TM7SF3: variants seen among roughly 807,000 people sequenced by gnomAD.
TM7SF3 encodes the protein seven span transmembrane protein.
In TM7SF3, 60 loss-of-function variants were observed where a neutral mutation model predicts 65.5. The observed-to-expected ratio is 0.92, with a 90% CI of 0.74 to 1.14. The LOEUF is 1.14. TM7SF3 is among the 50% of genes most tolerant of loss of function. TM7SF3 has a pLI of 0.00. For missense variants in TM7SF3, 623 were observed against 684.8 expected, an observed-to-expected ratio of 0.91 and a Z score of 1.01; for synonymous variants, 264 against 259.6, an observed-to-expected ratio of 1.02 and a Z score of -0.16.
chr12:27,012,325 A>G (rs1277917116), intron 1 of TM7SF3, among the ~76,000 whole-genome samples: 1 of 152,160 alleles, frequency 6.6e-6, no homozygotes, highest in African/African-American at 2.4e-5. Flanking sequence ...CACACACTAT[A>G]CAGAGTGAAT....
chr12:27,009,993 A>G (rs1941185836), intron 1 of TM7SF3, among the ~76,000 whole-genome samples: 1 of 152,066 alleles, frequency 6.6e-6, no homozygotes, highest in African/African-American at 2.4e-5. Flanking sequence ...GCTGTGCAGG[A>G]TTTTGTCATT....
At chr12:26,988,524 G>A (rs1444682044) in intron 6 of TM7SF3, among the ~76,000 whole-genome samples, 1 of 152,022 alleles carries the variant, frequency 6.6e-6, no homozygotes, top group Non-Finnish European at 1.5e-5. Flanking sequence ...ATGTGCTAAC[G>A]TGTGAATTAA....
chr12:26,989,666 A>AACACAC (rs1482376855), intron 6 of TM7SF3, among the ~76,000 whole-genome samples: 1 of 136,842 alleles, frequency 7.3e-6, no homozygotes, highest in East Asian at 2.3e-4. Context: ...TAAACTGCTA[A>AACACAC]ATACACACAC....
rs191555432 is a variant in TM7SF3 at position 27,003,315 on chromosome 12, T to C, written c.167A>G (p.His56Arg). Residue 56 changes from histidine to arginine, a missense_variant, in exon 2 of 12, where the codon CAT becomes CGT. Physicochemically the swap from His to Arg is conservative, Grantham distance 29 (BLOSUM62 0). Coordinates refer to ENST00000343028, the MANE Select transcript of TM7SF3 (RefSeq NM_016551.3). ...NRPFPEEAILHDISSNVTFLI... is the reference protein window; with the variant it reads ...NRPFPEEAILRDISSNVTFLI... ...AAAAGTCACATTGCTTGAAATATCA[T>C]GCAAAATAGCTTCCTCTGGAAAGGG... is the stretch of plus-strand genomic sequence containing the variant. The C allele has an allele frequency of 4.8e-4, 769 of 1,612,852 alleles. 7 individuals carry two copies. The highest frequency in any genetic ancestry group is 6.1e-5 in the Non-Finnish European group (72 of 1,178,966).
Position 26,982,939 on chromosome 12 carries a change from A to C in TM7SF3, c.869-80T>G. 3 of 1,013,168 alleles carry C rather than the reference A, an allele frequency of 3.0e-6. No homozygotes were observed. The East Asian group carries it at 8.1e-5, about 27-fold the overall frequency. 62.8% of individuals were successfully genotyped at this position (1,013,168 alleles called of 1,614,324 possible). A position where few individuals can be genotyped will look rare whatever the true frequency, so the allele number is the denominator to read the frequency against. Reference sequence around the variant, plus strand: ...AATATTTATAGAACGAACCTTCATCAAAAAAGCTAAGTGAACTGACATAAT... The same window carrying C: ...AATATTTATAGAACGAACCTTCATCCAAAAAGCTAAGTGAACTGACATAAT... On this transcript the variant is annotated intron_variant, in intron 6 of 11. Coordinates refer to ENST00000343028, the MANE Select transcript of TM7SF3 (RefSeq NM_016551.3).
chr12:26,979,855 G>T lies in TM7SF3; in HGVS notation c.1118C>A (p.Ser373Ter). Residue 373 changes from serine (S) to a stop codon, truncating the protein, a stop_gained, in exon 9 of 12, where the codon TCG becomes TAG. Transcript: ENST00000343028. LOFTEE classifies it high-confidence loss of function. ...TAGTCCAACACAGAGCATGCAGATC[G>T]AGAGGATTCCAAATCGCCACCACAC... ...VAVWWRFGIL[S>*]ICMLCVGLVL... 8.1e-6 allele frequency: 13 copies of T among 1,614,170 alleles called. No individual in the cohort carries two copies. Among genetic ancestry groups the T allele is most frequent in the Non-Finnish European group, 1.1e-5 (13 of 1,180,030 alleles).
At chr12:27,007,202 T>G (rs1941072107) in intron 1 of TM7SF3, among the ~76,000 whole-genome samples, 1 of 152,256 alleles carries the variant, frequency 6.6e-6, no homozygotes. Flanking sequence ...AACTTTCATC[T>G]GTTATTTCCT....
intron 4 of TM7SF3, among the ~76,000 whole-genome samples, 178 bp from the exon 5 acceptor site, chr12:26,995,586 ATGTT>A (rs1163308699): frequency 6.6e-6 from 1 of 152,222 alleles, no homozygotes; most frequent in Admixed American, 6.5e-5. Flanking sequence ...TATGGACTGA[ATGTT>A]TGTGTCTCCC....
intron 5 of TM7SF3, among the ~76,000 whole-genome samples, chr12:26,991,253 C>A (rs149109248): frequency 6.7e-6 from 1 of 149,744 alleles, no homozygotes; most frequent in Non-Finnish European, 1.5e-5. Context: ...CCCGGGTTCA[C>A]GCCATTCTCC....
At chr12:26,984,531 T>C (rs888266393) in intron 6 of TM7SF3, among the ~76,000 whole-genome samples, 2 of 151,898 alleles carry the variant, frequency 1.3e-5, no homozygotes, top group African/African-American at 4.8e-5. Flanking sequence ...ACTATCATTC[T>C]AGAATTTAAT....
chr12:26,988,673 TGTGTGTG>T (rs1425773525), intron 6 of TM7SF3, among the ~76,000 whole-genome samples: 2 of 9,640 alleles, frequency 2.1e-4, no homozygotes, highest in Non-Finnish European at 3.8e-4. Flanking sequence ...AGAAGAAAAT[TGTGTGTG>T]TGTGTGTGTG....
intron 5 of TM7SF3, among the ~76,000 whole-genome samples, chr12:26,994,819 C>T (rs940172181): frequency 1.3e-5 from 2 of 152,224 alleles, no homozygotes; most frequent in African/African-American, 4.8e-5. Flanking sequence ...AATTTTACTC[C>T]AAGTTAGACT....
intron 10 of TM7SF3, 191 bp from the exon 11 acceptor site, chr12:26,975,849 T>C (rs1227625738): frequency 1.7e-6 from 1 of 590,652 alleles, no homozygotes; most frequent in Non-Finnish European, 2.9e-6. Context: ...CCATATGAGT[T>C]CTTAAAACAC....
At chr12:27,006,684 T>G (rs1327771746) in intron 1 of TM7SF3, among the ~76,000 whole-genome samples, 2 of 152,226 alleles carry the variant, frequency 1.3e-5, no homozygotes, top group Admixed American at 1.3e-4. Context: ...TAGGCAGATA[T>G]AAGCATGCAT....
At chr12:26,996,653 AT>A in intron 4 of TM7SF3, 88 bp downstream of exon 4, 1 of 1,374,318 alleles carries the variant, frequency 7.3e-7, no homozygotes. Flanking sequence ...ACTACAGAGA[AT>A]TAGGGACTTG....
At chr12:26,986,713 CTTTCTCCAG>C (rs1940116422) in intron 6 of TM7SF3, among the ~76,000 whole-genome samples, 1 of 152,090 alleles carries the variant, frequency 6.6e-6, no homozygotes, top group South Asian at 2.1e-4. Context: ...GCTACTTGAA[CTTTCTCCAG>C]TTTCTGTGCT....
chr12:26,997,954 T>C (rs896823630), intron 3 of TM7SF3, among the ~76,000 whole-genome samples: 53 of 151,482 alleles, frequency 3.5e-4, no homozygotes, highest in African/African-American at 1.3e-3. Flanking sequence ...GCCTCCTGAG[T>C]ACCTGGGATT....
Position 26,995,297 on chromosome 12 carries a change from C to T in TM7SF3, c.630G>A (p.Met210Ile), listed in dbSNP as rs1466433747. The change falls in exon 5 of 12, where the codon ATG (methionine) becomes ATA (isoleucine). Residue 210 changes from methionine to isoleucine, a missense_variant. Coordinates refer to ENST00000343028, the MANE Select transcript of TM7SF3 (RefSeq NM_016551.3). The part of the protein sequence containing the change: ...FLPENDLTEE[M>I]LLKHLQRMVS... ...CCATCCTCTGCAGATGCTTCAGCAACATCTCCTCAGTGAGGTCATTCTCAG... is the reference window on the plus strand; with the variant it reads ...CCATCCTCTGCAGATGCTTCAGCAATATCTCCTCAGTGAGGTCATTCTCAG... The T allele has an allele frequency of 6.2e-7, 1 of 1,614,176 alleles. No homozygotes were observed. Among genetic ancestry groups the T allele is most frequent in the Non-Finnish European group, 8.5e-7 (1 of 1,180,032 alleles).
At chr12:26,988,297 G>A (rs1348574870) in intron 6 of TM7SF3, among the ~76,000 whole-genome samples, 1 of 152,050 alleles carries the variant, frequency 6.6e-6, no homozygotes, top group Non-Finnish European at 1.5e-5. Flanking sequence ...CCAAGTAGCT[G>A]GAACGACAGG....
Sources: gnomAD v4.1 joint callset for allele counts (sites outside exome capture counted in the v4.1 genomes callset) on GRCh38, gnomAD v4.1.1 for gene constraint, MANE v1.5 for transcripts, NCBI Gene and HGNC (gene_info 2026-07-23, HGNC 2026-07-21) for gene names.